Variants in WIPF3 observed in about 807,000 individuals in gnomAD.
The protein encoded by WIPF3 is WAS/WASL interacting protein family member 3, also known as WAS/WASL-interacting protein family member 3.
Under a neutral mutation model 38.9 loss-of-function variants are expected in WIPF3, and 33 were observed. That is an observed-to-expected ratio of 0.85 (90% CI 0.64 to 1.14). The LOEUF (loss-of-function observed/expected upper bound fraction) is 1.14. Among genes scored for constraint, WIPF3 ranks in the 50% most tolerant of loss-of-function variants. The pLI is 0.00. For synonymous variants in WIPF3, 324 were observed against 269.3 expected (o/e 1.20, Z -1.99); for missense variants, 711 against 652.5 (o/e 1.09, Z -0.98).
intron 2 of WIPF3, among the ~76,000 whole-genome samples, chr7:29,871,636 T>C (rs1415501623): frequency 1.3e-5 from 2 of 152,194 alleles, no homozygotes; most frequent in African/African-American, 4.8e-5. Flanking sequence ...AAAGTTTTGA[T>C]CTGGGCTGGA....
At chr7:29,827,833 C>T (rs758721052) in intron 1 of WIPF3, among the ~76,000 whole-genome samples, 2 of 152,132 alleles carry the variant, frequency 1.3e-5, no homozygotes, top group East Asian at 1.9e-4. Context: ...CTCACTCTGT[C>T]GCCCAGGCTG....
chr7:29,846,659 C>A (rs1157781512), intron 2 of WIPF3, among the ~76,000 whole-genome samples: 1 of 152,202 alleles, frequency 6.6e-6, no homozygotes, highest in Non-Finnish European at 1.5e-5. Context: ...CAAGATCACA[C>A]CACATTGTAC....
At chr7:29,913,031 C>T (rs891464896) in intron 8 of WIPF3, among the ~76,000 whole-genome samples, 8 of 151,982 alleles carry the variant, frequency 5.3e-5, no homozygotes, top group Admixed American at 1.3e-4. Flanking sequence ...TATTTAATAC[C>T]CCTAAACTAT....
chr7:29,867,933 C>T (rs1224801762), intron 2 of WIPF3, among the ~76,000 whole-genome samples: 1 of 152,134 alleles, frequency 6.6e-6, no homozygotes, highest in Non-Finnish European at 1.5e-5. Context: ...AGGTTGCTCA[C>T]AGTTTTTTTA....
At chr7:29,830,232 C>T (rs754726118) in intron 1 of WIPF3, among the ~76,000 whole-genome samples, 4 of 151,616 alleles carry the variant, frequency 2.6e-5, no homozygotes, top group Non-Finnish European at 5.9e-5. Context: ...TCCCAGGTTC[C>T]TAAAGATAAA....
chr7:29,874,455 G>C (rs1785552049), intron 2 of WIPF3, among the ~76,000 whole-genome samples: 1 of 152,032 alleles, frequency 6.6e-6, no homozygotes, highest in Admixed American at 6.6e-5. Flanking sequence ...AAGGAATATG[G>C]TACCCTCAGA....
chr7:29,843,946 G>A (rs1256713397), intron 2 of WIPF3, among the ~76,000 whole-genome samples: 1 of 152,042 alleles, frequency 6.6e-6, no homozygotes, highest in African/African-American at 2.4e-5. Context: ...ACTCTGCAAT[G>A]TGACTTCCTG....
At chr7:29,894,310 G>A (rs1786087728) in intron 7 of WIPF3, among the ~76,000 whole-genome samples, 1 of 152,136 alleles carries the variant, frequency 6.6e-6, no homozygotes, top group South Asian at 2.1e-4. Context: ...CCAGGAGGGT[G>A]CAATTGGCAG....
In WIPF3 at chr7:29,844,112, C is replaced by G. The variant is rs144933801; in HGVS notation, c.90+9298C>G. On this transcript the variant is annotated intron_variant, in intron 2 of 8. Coordinates refer to ENST00000242140, the MANE Select transcript of WIPF3 (RefSeq NM_001080529.3). This position sits in a 1 kb window ranked among gnomAD's most constrained non-coding sequence, Gnocchi z 4.8. Reference sequence around the variant, plus strand: ...GTAGTCCCAATTACGTAAAAGAAAACTGTGTGTGCACAGGCTTGCCTATGC... The same window carrying G: ...GTAGTCCCAATTACGTAAAAGAAAAGTGTGTGTGCACAGGCTTGCCTATGC... 1.3e-5 allele frequency among the ~76,000 whole-genome samples: 2 copies of G among 152,308 alleles called. No individual in the cohort carries two copies. The highest frequency in any genetic ancestry group is 2.9e-5 in the Non-Finnish European group (2 of 68,028).
Position 29,904,343 on chromosome 7 carries a change from T to C in WIPF3, c.1409T>C (p.Ile470Thr), listed in dbSNP as rs764889577. Residue 470 changes from isoleucine (I) to threonine (T), a missense_variant, in exon 8 of 9, where the codon ATC becomes ACC. By Grantham distance (89) the Ile-to-Thr change is moderately conservative. Transcript: ENST00000242140. Reference sequence around the variant, plus strand: ...GCAGTCGGGCAGAGCTCTGATGACATCAAAGGCAGAAATTCTCAGGTAACA... The same window carrying C: ...GCAGTCGGGCAGAGCTCTGATGACACCAAAGGCAGAAATTCTCAGGTAACA... ...AEAVGQSSDD[I>T]KGRNSQLSLK... is the part of the protein sequence containing the mutation. The C allele has an allele frequency of 6.2e-7, 1 of 1,613,894 alleles. No homozygotes were observed. The highest frequency in any genetic ancestry group is 1.7e-5 in the Admixed American group (1 of 60,010).
Position 29,875,771 on chromosome 7 carries a change from A to C in WIPF3, c.91-59A>C, listed in dbSNP as rs1476919221. 1.9e-6 allele frequency: 3 copies of C among 1,586,794 alleles called. No homozygotes were observed. The East Asian group carries it at 6.8e-5, about 36-fold the overall frequency. On this transcript the variant is annotated intron_variant, in intron 2 of 8. Transcript: ENST00000242140. ...GCAAGAGGAGAAACTGACAGCAGAC[A>C]GGACATTTTGCTTATCTGAAAATGC...
intron 7 of WIPF3, among the ~76,000 whole-genome samples, chr7:29,902,268 C>CTTTTTTTTTTTTTT (rs1267369053): frequency 2.6e-5 from 3 of 117,314 alleles, no homozygotes; most frequent in Non-Finnish European, 5.1e-5. Context: ...TCTTCTTCTT[C>CTTTTTTTTTTTTTT]TTCTTCTTTT....
chr7:29,862,338 T>C (rs1054572397), intron 2 of WIPF3, among the ~76,000 whole-genome samples: 8 of 152,172 alleles, frequency 5.3e-5, no homozygotes, highest in African/African-American at 1.9e-4. Flanking sequence ...TGTTTCCGGA[T>C]GTCTAAACTT....
At chr7:29,840,135 A>T (rs1391309083) in intron 2 of WIPF3, among the ~76,000 whole-genome samples, 1 of 151,888 alleles carries the variant, frequency 6.6e-6, no homozygotes, top group Non-Finnish European at 1.5e-5. Context: ...TCCCATTCCC[A>T]CTACCCACCA....
chr7:29,869,478 A>G (rs1172612744), intron 2 of WIPF3, among the ~76,000 whole-genome samples: 3 of 152,234 alleles, frequency 2.0e-5, no homozygotes, highest in Non-Finnish European at 2.9e-5. Context: ...TCTGTGAACT[A>G]CTTTTACCAG....
chr7:29,913,274 G>A (rs921761696), intron 8 of WIPF3, among the ~76,000 whole-genome samples: 1 of 151,206 alleles, frequency 6.6e-6, no homozygotes, highest in Non-Finnish European at 1.5e-5. Flanking sequence ...TGAACCCGTG[G>A]ACGGAGGTTG....
chr7:29,867,329 T>C (rs1448730539), intron 2 of WIPF3, among the ~76,000 whole-genome samples: 1 of 152,208 alleles, frequency 6.6e-6, no homozygotes, highest in African/African-American at 2.4e-5. Context: ...GGAGAAGCCC[T>C]TAACAGAGAC....
intron 7 of WIPF3, among the ~76,000 whole-genome samples, chr7:29,897,144 G>A (rs993913623): frequency 1.3e-5 from 2 of 152,142 alleles, no homozygotes; most frequent in East Asian, 3.8e-4. Context: ...ATTCATCTAT[G>A]TTGTAGCATA....
At chr7:29,826,307 A>C (rs539075431) in intron 1 of WIPF3, among the ~76,000 whole-genome samples, 1 of 152,302 alleles carries the variant, frequency 6.6e-6, no homozygotes, top group East Asian at 1.9e-4. Flanking sequence ...CCAGATCCAC[A>C]GTGTCGGCCT....
Sources: gnomAD v4.1 joint callset for allele counts (sites outside exome capture counted in the v4.1 genomes callset) on GRCh38, gnomAD v4.1.1 for gene constraint, Gnocchi (gnomAD v3.1) non-coding constraint, MANE v1.5 for transcripts, NCBI Gene and HGNC (gene_info 2026-07-23, HGNC 2026-07-21) for gene names.